GALNT13: variants seen among roughly 807,000 people sequenced by gnomAD.
GALNT13 encodes UDP-GalNAc:polypeptide N-acetylgalactosaminyltransferase 13.
In GALNT13, 28 loss-of-function variants were observed where a neutral mutation model predicts 64.2. The observed-to-expected ratio is 0.44, with a 90% CI of 0.32 to 0.60. GALNT13 has a LOEUF of 0.60. Among genes scored for constraint, GALNT13 ranks in the 20% least tolerant of loss-of-function variants. GALNT13 has a pLI of 0.05. For synonymous variants in GALNT13, 214 were observed against 224.6 expected (o/e 0.95, Z 0.42); for missense variants, 577 against 669.8 (o/e 0.86, Z 1.53).
the GALNT13 span, among the ~76,000 whole-genome samples, chr2:153,376,723 GA>G: frequency 1.3e-5 from 2 of 152,126 alleles, no homozygotes; most frequent in Non-Finnish European, 2.9e-5. Flanking sequence ...TTGCATTTGA[GA>G]AGCCTATGGA....
chr2:153,377,525 C>G, the GALNT13 span, among the ~76,000 whole-genome samples: 23 of 152,034 alleles, frequency 1.5e-4, no homozygotes, highest in Admixed American at 2.6e-4. Flanking sequence ...TCTGAACAAG[C>G]GAGTTGTTAA....
chr2:154,290,591 G>A (rs62171258), intron 8 of GALNT13, among the ~76,000 whole-genome samples: 9 of 152,184 alleles, frequency 5.9e-5, no homozygotes, highest in Non-Finnish European at 1.3e-4. Context: ...AAGCTGATAG[G>A]AAAGCCTGAG....
the GALNT13 span, among the ~76,000 whole-genome samples, chr2:153,488,074 A>G: frequency 1.3e-5 from 2 of 152,184 alleles, no homozygotes; most frequent in East Asian, 3.9e-4. Context: ...CTGGTAGCCA[A>G]AGGAAGGAGG....
chr2:154,007,537 T>G (rs1696339725), intron 3 of GALNT13, among the ~76,000 whole-genome samples: 1 of 152,010 alleles, frequency 6.6e-6, no homozygotes, highest in Non-Finnish European at 1.5e-5. Context: ...TTTGTTAGAA[T>G]TGATTCCATA....
chr2:154,209,679 G>A (rs957731869), intron 4 of GALNT13, among the ~76,000 whole-genome samples: 26 of 152,038 alleles, frequency 1.7e-4, no homozygotes, highest in African/African-American at 5.5e-4. Context: ...TGCCTACTAC[G>A]TTATTTGAAC....
At chr2:153,854,558 G>C in the GALNT13 span, among the ~76,000 whole-genome samples, 1 of 151,906 alleles carries the variant, frequency 6.6e-6, no homozygotes, top group Non-Finnish European at 1.5e-5. Context: ...TCCAGCTTGG[G>C]GAACAAGAGC....
the GALNT13 span, among the ~76,000 whole-genome samples, chr2:153,600,213 T>C: frequency 6.6e-6 from 1 of 152,038 alleles, no homozygotes; most frequent in Non-Finnish European, 1.5e-5. Flanking sequence ...CTCCCATTTA[T>C]TTTTGTCTAT....
chr2:153,476,602 T>C, the GALNT13 span, among the ~76,000 whole-genome samples: 6 of 152,190 alleles, frequency 3.9e-5, no homozygotes, highest in Non-Finnish European at 7.3e-5. Context: ...ACTCCAAATA[T>C]CCTTCCCAGT....
At chr2:153,577,173 T>A in the GALNT13 span, among the ~76,000 whole-genome samples, 1 of 152,192 alleles carries the variant, frequency 6.6e-6, no homozygotes, top group Non-Finnish European at 1.5e-5. Context: ...ATGACATTTT[T>A]AGAGAAATTT....
the GALNT13 span, among the ~76,000 whole-genome samples, chr2:153,395,032 C>T: frequency 4.6e-5 from 7 of 152,162 alleles, no homozygotes; most frequent in African/African-American, 1.4e-4. Flanking sequence ...TGTTTGCTGG[C>T]TGTCAGCTAG....
chr2:154,193,197 A>G lies in GALNT13; in HGVS notation c.312-48833A>G, dbSNP rs539052861. Among the ~76,000 whole-genome samples, 27 of 152,340 alleles carry G rather than the reference A, an allele frequency of 1.8e-4. 1 individual carries two copies. The South Asian group carries it at 2.1e-3, about 12-fold the overall frequency. Reference sequence around the variant, plus strand: ...TTACAACAAATAATTTTATTTGAAAATATTTCATAAATAATTTATAATTGT... The same window carrying G: ...TTACAACAAATAATTTTATTTGAAAGTATTTCATAAATAATTTATAATTGT... On this transcript the variant is annotated intron_variant, in intron 4 of 12. Transcript: ENST00000392825.
At chr2:154,046,758 A>C (rs1699310343) in intron 3 of GALNT13, among the ~76,000 whole-genome samples, 1 of 152,110 alleles carries the variant, frequency 6.6e-6, no homozygotes, top group Non-Finnish European at 1.5e-5. Context: ...CACTGTGGAG[A>C]AAAGAAAGAA....
intron 9 of GALNT13, among the ~76,000 whole-genome samples, chr2:154,376,211 T>A (rs935927745): frequency 3.3e-5 from 5 of 152,158 alleles, no homozygotes; most frequent in African/African-American, 1.2e-4. Flanking sequence ...GTCACCTCAC[T>A]TTTTTTCTTT....
intron 4 of GALNT13, among the ~76,000 whole-genome samples, chr2:154,228,905 G>A (rs1340987416): frequency 2.6e-5 from 4 of 152,002 alleles, no homozygotes; most frequent in Admixed American, 6.6e-5. Flanking sequence ...AGATCAGAAA[G>A]GTCAATTTCT....
the GALNT13 span, among the ~76,000 whole-genome samples, chr2:153,346,108 T>C: frequency 6.6e-6 from 1 of 152,128 alleles, no homozygotes; most frequent in African/African-American, 2.4e-5. Flanking sequence ...TAATTTTTTG[T>C]AGAGATGGGT....
chr2:153,897,608 C>T (rs1687968469), intron 1 of GALNT13, among the ~76,000 whole-genome samples: 1 of 151,896 alleles, frequency 6.6e-6, no homozygotes. Flanking sequence ...CTGGAAATAC[C>T]ATGTTTGTCA....
At chr2:153,838,331 A>G in the GALNT13 span, among the ~76,000 whole-genome samples, 1 of 151,902 alleles carries the variant, frequency 6.6e-6, no homozygotes, top group Non-Finnish European at 1.5e-5. Context: ...GTCCAGACCA[A>G]TGTCATGTGG....
chr2:153,380,746 A>G, the GALNT13 span, among the ~76,000 whole-genome samples: 4 of 152,158 alleles, frequency 2.6e-5, no homozygotes, highest in Non-Finnish European at 4.4e-5. Flanking sequence ...TTAATGGGGA[A>G]TCATTGAAGA....
At chr2:153,493,448 C>T in the GALNT13 span, among the ~76,000 whole-genome samples, 1 of 151,950 alleles carries the variant, frequency 6.6e-6, no homozygotes, top group Non-Finnish European at 1.5e-5. Context: ...GTAACAAACA[C>T]AATACGAAAA....
Sources: allele counts gnomAD v4.1 joint callset (sites outside exome capture counted in the v4.1 genomes callset), GRCh38; gene constraint gnomAD v4.1.1; transcripts MANE v1.5; gene names NCBI Gene and HGNC (gene_info 2026-07-23, HGNC 2026-07-21).